Variants in TAF8 observed in about 807,000 individuals in gnomAD.
The protein encoded by TAF8 is TATA-box binding protein associated factor 8, also known as transcription initiation factor TFIID subunit 8.
In TAF8, 47 loss-of-function variants were observed where a neutral mutation model predicts 36.5. That is an observed-to-expected ratio of 1.29 (90% CI 1.02 to 1.64). The LOEUF is 1.64. Among genes scored for constraint, TAF8 ranks in the 40% most tolerant of loss-of-function variants. The pLI is 0.00. For missense variants in TAF8, 420 were observed against 407.6 expected, an observed-to-expected ratio of 1.03 and a Z score of -0.26; for synonymous variants, 175 against 159.5, an observed-to-expected ratio of 1.10 and a Z score of -0.73.
rs1316365787 is a variant in TAF8, at chr6:42,068,578, A to G, written c.751A>G (p.Thr251Ala). ...DSSEQDEQTD[T>A]ENLALHISME... ...CTCGGAGCAGGATGAACAGACAGAC[A>G]CAGAGAACCTTGCTCTTCATATCAG... Residue 251 changes from threonine (T) to alanine (A), a missense_variant, in exon 7 of 9, where the codon ACA (threonine) becomes GCA (alanine). By Grantham distance (58) the Thr-to-Ala change is moderately conservative. Coordinates refer to ENST00000372977, the MANE Select transcript of TAF8 (RefSeq NM_138572.3). The G allele has an allele frequency of 6.2e-7, 1 of 1,613,836 alleles. No homozygotes were observed. The highest frequency in any genetic ancestry group is 1.7e-5 in the Admixed American group (1 of 60,020).
intron 5 of TAF8, among the ~76,000 whole-genome samples, chr6:42,060,108 A>C (rs983351616): frequency 2.0e-5 from 3 of 152,212 alleles, no homozygotes; most frequent in Non-Finnish European, 2.9e-5. Flanking sequence ...AGCCCACTAT[A>C]AGGTAAATAA....
At chr6:42,068,149 A>T (rs919908139) in intron 6 of TAF8, among the ~76,000 whole-genome samples, 1 of 152,108 alleles carries the variant, frequency 6.6e-6, no homozygotes, top group African/African-American at 2.4e-5. Context: ...ATCTTATCTC[A>T]GTTGTACTTG....
chr6:42,082,506 CTT>C lies in TAF8; in HGVS notation c.*4964_*4965del, dbSNP rs1765953241. The C allele has an allele frequency of 6.6e-6, 1 of 152,056 alleles. No individual in the cohort carries two copies. The highest frequency in any genetic ancestry group is 1.5e-5 in the Non-Finnish European group (1 of 68,040). The allele number at this position is 152,056 out of a possible 1,614,324, so 9.4% of individuals were successfully genotyped here. ...GGCATGTGCCACCACACCCAGCTAA[CTT>C]TTGTATTTTTAGTAGAGATGGGGTT... On this transcript the variant is annotated 3_prime_UTR_variant, in exon 9 of 9. Transcript: ENST00000372977.
At chr6:42,067,921 T>G (rs747273495) in intron 6 of TAF8, among the ~76,000 whole-genome samples, 15 of 152,198 alleles carry the variant, frequency 9.9e-5, no homozygotes, top group African/African-American at 3.6e-4. Context: ...TCATTGCTTT[T>G]TGGAAGAGCT....
chr6:42,077,151 T>G lies in TAF8; in HGVS notation c.832T>G (p.Ser278Ala), dbSNP rs200995490. Residue 278 changes from serine (S) to alanine (A), a missense_variant, in exon 8 of 9, where the codon TCC (serine) becomes GCC (alanine). By Grantham distance (99) the Ser-to-Ala change is moderately conservative. Transcript: ENST00000372977. The part of the protein sequence containing the change: ...ENTSVLQQNP[S>A]LSGSRNGEEN... ...CACCTCTGTCCTGCAGCAGAACCCC[T>G]CCTTGTCGGGTAGCCGGAATGGGGA... 4.8e-5 allele frequency: 78 copies of G among 1,614,170 alleles called. No homozygotes were observed. Among genetic ancestry groups the G allele is most frequent in the Non-Finnish European group, 6.4e-5 (76 of 1,180,002 alleles).
At chr6:42,064,742 G>A (rs1251080674) in intron 5 of TAF8, among the ~76,000 whole-genome samples, 1 of 151,636 alleles carries the variant, frequency 6.6e-6, no homozygotes, top group African/African-American at 2.4e-5. Context: ...TGGATCACAA[G>A]GTCAGGAGAT....
chr6:42,050,957 C>G, intron 1 of TAF8: 1 of 1,110,552 alleles, frequency 9.0e-7, no homozygotes, highest in Non-Finnish European at 1.1e-6. Flanking sequence ...TCGCGGTCAC[C>G]TCTTGTTACT....
At chr6:42,055,481 A>C in intron 2 of TAF8, 50 bp from the exon 3 acceptor site, 1 of 1,283,640 alleles carries the variant, frequency 7.8e-7, no homozygotes, top group Non-Finnish European at 1.1e-6. Context: ...TTCTATGTTT[A>C]ACTTTCTGAG....
chr6:42,079,715 A>AT lies in TAF8; in HGVS notation c.*2188dup, dbSNP rs35029417. On this transcript the variant is annotated 3_prime_UTR_variant, in exon 9 of 9. Coordinates refer to ENST00000372977, the MANE Select transcript of TAF8 (RefSeq NM_138572.3). ...AGATGCCCGCCACCACATCTGGCTA[A>AT]TTTTTTTTTTTTTTTTTTAGTAGAC... is the stretch of plus-strand genomic sequence containing the variant. 134,732 of 432,458 alleles carry AT rather than the reference A, an allele frequency of 0.31. 11,818 individuals are homozygous for AT. Among genetic ancestry groups the AT allele is most frequent in the Admixed American group, 0.47 (6,653 of 14,208 alleles). The allele number at this position is 432,458 out of a possible 1,614,324, so 26.8% of individuals were successfully genotyped here.
chr6:42,078,606 C>T lies in TAF8; in HGVS notation c.*1061C>T, dbSNP rs566836008. ...ATCACTGTGAAGAAGAACGACATGT[C>T]GGGGCTGCACCTGTCCTCCCGTCGG... On this transcript the variant is annotated 3_prime_UTR_variant, in exon 9 of 9. Transcript: ENST00000372977. 80 of 985,394 alleles carry T rather than the reference C, an allele frequency of 8.1e-5. No individual in the cohort carries two copies. Among genetic ancestry groups the T allele is most frequent in the East Asian group, 2.3e-4 (2 of 8,808 alleles). 61.0% of individuals were successfully genotyped at this position (985,394 alleles called of 1,614,324 possible).
At chr6:42,055,782 C>T (rs1185716568) in intron 3 of TAF8, among the ~76,000 whole-genome samples, 153 bp downstream of exon 3, 16 of 152,166 alleles carry the variant, frequency 1.1e-4, no homozygotes, top group Admixed American at 9.2e-4. Context: ...CCTCTGAACA[C>T]ATCTAAGAGG....
In TAF8 at chr6:42,078,215, A is replaced by G; in HGVS notation, c.*670A>G. The stretch of plus-strand genomic sequence containing the variant: ...AGAGACTTTCTTAATCAATCAGGCT[A>G]TGTGGTGGGGCATAGCAGCAGCCAG... On this transcript the variant is annotated 3_prime_UTR_variant, in exon 9 of 9. Coordinates refer to ENST00000372977, the MANE Select transcript of TAF8 (RefSeq NM_138572.3). The G allele has an allele frequency of 1.0e-5, 10 of 985,602 alleles. No individual in the cohort carries two copies. Among genetic ancestry groups the G allele is most frequent in the Non-Finnish European group, 1.2e-5 (10 of 830,072 alleles). 61.1% of individuals were successfully genotyped at this position (985,602 alleles called of 1,614,324 possible). A position where few individuals can be genotyped will look rare whatever the true frequency, so the allele number is the denominator to read the frequency against.
chr6:42,077,906 G>A lies in TAF8; in HGVS notation c.*361G>A, dbSNP rs549053915. On this transcript the variant is annotated 3_prime_UTR_variant, in exon 9 of 9. Transcript: ENST00000372977. ...CGAGTAGCTGGGACTAGAGGCAAGC[G>A]CCACCATGCTGGCTAATTTTTGTAT... The A allele has an allele frequency of 6.7e-5, 23 of 344,826 alleles. 1 individual carries two copies. Among genetic ancestry groups the A allele is most frequent in the Middle Eastern group, 1.1e-3 (1 of 916 alleles). 21.4% of individuals were successfully genotyped at this position (344,826 alleles called of 1,614,324 possible). A position where few individuals can be genotyped will look rare whatever the true frequency, so the allele number is the denominator to read the frequency against.
At chr6:42,075,178 C>G (rs1765701204) in intron 7 of TAF8, among the ~76,000 whole-genome samples, 1 of 152,120 alleles carries the variant, frequency 6.6e-6, no homozygotes, top group Non-Finnish European at 1.5e-5. Context: ...TCATTTGTAC[C>G]ATTAGGAACT....
chr6:42,050,550 C>A lies in TAF8; in HGVS notation c.9C>A (p.Asp3Glu). ...CACTACGCCAGAACAAGATGGCCGA[C>A]GCGGCGGCCACAGCTGGGGCCGGTG... The part of the protein sequence containing the change: MA[D>E]AAATAGAGGS... The change falls in exon 1 of 9, where the codon GAC becomes GAA. Residue 3 changes from aspartate (D) to glutamate (E), a missense_variant. Physicochemically the swap from Asp to Glu is conservative, Grantham distance 45. Coordinates refer to ENST00000372977, the MANE Select transcript of TAF8 (RefSeq NM_138572.3). 4 of 1,555,590 alleles carry A rather than the reference C, an allele frequency of 2.6e-6. No homozygotes were observed. The highest frequency in any genetic ancestry group is 3.9e-5 in the Admixed American group (2 of 51,124).
At chr6:42,069,119 G>A (rs1490523208) in intron 7 of TAF8, among the ~76,000 whole-genome samples, 4 of 152,156 alleles carry the variant, frequency 2.6e-5, no homozygotes, top group African/African-American at 4.8e-5. Context: ...AGGGTGGCCA[G>A]AGTGGAGTGA....
intron 5 of TAF8, 80 bp downstream of exon 5, chr6:42,057,593 G>C: frequency 6.4e-7 from 1 of 1,562,206 alleles, no homozygotes; most frequent in East Asian, 2.3e-5. Context: ...GCAGAGTCCA[G>C]TCCAAAAGCT....
rs1442871946 is a variant in TAF8 at position 42,079,039 on chromosome 6, T to C, written c.*1494T>C. ...CGGGAGGCTGAGGCAGGAGAATCACTTGAACCTGGGAGGCGGAGGTTGCAG... is the reference window on the plus strand; with the variant it reads ...CGGGAGGCTGAGGCAGGAGAATCACCTGAACCTGGGAGGCGGAGGTTGCAG... On this transcript the variant is annotated 3_prime_UTR_variant, in exon 9 of 9. Transcript: ENST00000372977. 1.6e-6 allele frequency: 1 copy of C among 609,022 alleles called. No homozygotes were observed. Among genetic ancestry groups the C allele is most frequent in the East Asian group, 1.4e-4 (1 of 7,078 alleles). 37.7% of individuals were successfully genotyped at this position (609,022 alleles called of 1,614,324 possible). A position where few individuals can be genotyped will look rare whatever the true frequency, so the allele number is the denominator to read the frequency against.
chr6:42,070,710 T>C (rs1018666022), intron 7 of TAF8, among the ~76,000 whole-genome samples: 1 of 152,224 alleles, frequency 6.6e-6, no homozygotes, highest in South Asian at 2.1e-4. Context: ...GAGAGGTGTT[T>C]CGTGTTTTTA....
Sources: gnomAD v4.1 joint callset for allele counts (sites outside exome capture counted in the v4.1 genomes callset) on GRCh38, gnomAD v4.1.1 for gene constraint, MANE v1.5 for transcripts, NCBI Gene and HGNC (gene_info 2026-07-23, HGNC 2026-07-21) for gene names.